PLCB4: variants seen among roughly 807,000 people sequenced by gnomAD.
PLCB4 encodes phospholipase C beta 4, also known as 1-phosphatidylinositol 4,5-bisphosphate phosphodiesterase beta-4.
A neutral mutation model predicts 178.8 loss-of-function variants in PLCB4; 77 were observed. The observed-to-expected ratio is 0.43, with a 90% confidence interval of 0.36 to 0.52. PLCB4 has a LOEUF of 0.52. Among genes scored for constraint, PLCB4 ranks in the 20% least tolerant of loss-of-function variants. PLCB4 has a pLI of 0.00. For synonymous variants in PLCB4, 496 were observed against 490.8 expected (o/e 1.01, Z -0.14); for missense variants, 1,024 against 1,453.4 (o/e 0.70, Z 4.80).
intron 3 of PLCB4, among the ~76,000 whole-genome samples, chr20:9,218,020 CTG>C (rs1451564896): frequency 6.6e-6 from 1 of 152,182 alleles, no homozygotes; most frequent in Non-Finnish European, 1.5e-5. Flanking sequence ...TATTTATAAA[CTG>C]TAACTTGCCA....
intron 4 of PLCB4, among the ~76,000 whole-genome samples, chr20:9,335,287 G>A (rs1054869034): frequency 3.3e-5 from 5 of 152,126 alleles, no homozygotes; most frequent in East Asian, 3.9e-4. Context: ...CAGGTGGCAC[G>A]GAAGACCCTT....
At chr20:9,179,794 C>T (rs1181360070) in intron 2 of PLCB4, among the ~76,000 whole-genome samples, 1 of 152,188 alleles carries the variant, frequency 6.6e-6, no homozygotes, top group Non-Finnish European at 1.5e-5. Context: ...CATTTCTCTA[C>T]ACCTCACTGT....
In PLCB4 at chr20:9,457,470, C is replaced by A; in HGVS notation, c.3053C>A (p.Thr1018Lys). ...KETEIKIQTL[T>K]SDHKSKVKEI... is the part of the protein sequence containing the mutation. ...ACAGAAATCAAAATTCAGACGCTGACATCAGATCACAAATCTAAGGTAAGA... is the reference window on the plus strand; with the variant it reads ...ACAGAAATCAAAATTCAGACGCTGAAATCAGATCACAAATCTAAGGTAAGA... The change falls in exon 34 of 40, where the codon ACA becomes AAA. Residue 1018 changes from threonine to lysine, a missense_variant. Transcript: ENST00000378473. 1 of 1,514,436 alleles carries A rather than the reference C, an allele frequency of 6.6e-7. No homozygotes were observed. Among genetic ancestry groups the A allele is most frequent in the Non-Finnish European group, 9.2e-7 (1 of 1,089,288 alleles). 93.8% of individuals were successfully genotyped at this position (1,514,436 alleles called of 1,614,324 possible). A position where few individuals can be genotyped will look rare whatever the true frequency, so the allele number is the denominator to read the frequency against.
At chr20:9,382,241 T>C (rs1231215964) in intron 13 of PLCB4, among the ~76,000 whole-genome samples, 1 of 152,214 alleles carries the variant, frequency 6.6e-6, no homozygotes, top group East Asian at 1.9e-4. Flanking sequence ...AATAAATCAC[T>C]TCTCACCATC....
chr20:9,365,180 A>T (rs183400602), intron 8 of PLCB4, among the ~76,000 whole-genome samples: 9 of 152,356 alleles, frequency 5.9e-5, no homozygotes, highest in Admixed American at 3.9e-4. Context: ...TAGATAAGAA[A>T]CAAAAATATT....
chr20:9,168,427 C>T (rs886727123), intron 2 of PLCB4, among the ~76,000 whole-genome samples: 3 of 152,112 alleles, frequency 2.0e-5, no homozygotes, highest in African/African-American at 4.8e-5. Flanking sequence ...TTGAGAAGAC[C>T]CAAGTAATTG....
chr20:9,471,208 AAATT>A (rs1293397785), intron 36 of PLCB4, among the ~76,000 whole-genome samples: 3 of 152,236 alleles, frequency 2.0e-5, no homozygotes, highest in African/African-American at 7.2e-5. Context: ...AAAGATGTGA[AAATT>A]AATGAGCTAA....
chr20:9,206,943 C>A (rs997411295), intron 2 of PLCB4, among the ~76,000 whole-genome samples: 1 of 151,996 alleles, frequency 6.6e-6, no homozygotes, highest in African/African-American at 2.4e-5. Context: ...ATGGTGAAAC[C>A]CCATCTCTAC....
At chr20:9,224,302 G>A (rs761854743) in intron 3 of PLCB4, among the ~76,000 whole-genome samples, 5 of 152,146 alleles carry the variant, frequency 3.3e-5, no homozygotes, top group African/African-American at 7.2e-5. Flanking sequence ...CTATACAGTG[G>A]CTCTCTCTTC....
chr20:9,399,382 G>T (rs1313337472), intron 19 of PLCB4, among the ~76,000 whole-genome samples: 2 of 152,178 alleles, frequency 1.3e-5, no homozygotes, highest in African/African-American at 4.8e-5. Flanking sequence ...CAACTAGTCG[G>T]CTATAATTAC....
intron 12 of PLCB4, among the ~76,000 whole-genome samples, chr20:9,375,522 A>G (rs191650931): frequency 6.6e-6 from 1 of 152,314 alleles, no homozygotes; most frequent in African/African-American, 2.4e-5. Context: ...CTGTTAACTG[A>G]AGTGTAAATG....
chr20:9,249,971 C>A (rs1195263132), intron 3 of PLCB4, among the ~76,000 whole-genome samples: 2 of 152,002 alleles, frequency 1.3e-5, no homozygotes, highest in Non-Finnish European at 2.9e-5. Flanking sequence ...GAGAGGTCAG[C>A]TATAGAAAGA....
intron 4 of PLCB4, among the ~76,000 whole-genome samples, chr20:9,310,554 T>TAA (rs143256734): frequency 6.7e-6 from 1 of 150,210 alleles, no homozygotes; most frequent in South Asian, 2.1e-4. Flanking sequence ...ACTAAAAATA[T>TAA]AAAAAAAAAT....
At chr20:9,304,062 C>A (rs946681416) in intron 3 of PLCB4, among the ~76,000 whole-genome samples, 19 of 151,666 alleles carry the variant, frequency 1.3e-4, no homozygotes, top group African/African-American at 4.4e-4. Context: ...AATATATATC[C>A]AATTCAGAAA....
chr20:9,196,465 A>T (rs6039410), intron 2 of PLCB4, among the ~76,000 whole-genome samples: 1 of 152,008 alleles, frequency 6.6e-6, no homozygotes, highest in Non-Finnish European at 1.5e-5. Flanking sequence ...TGCAAGCTCG[A>T]TAGTGACAGA....
chr20:9,456,338 A>G (rs1048477404), intron 33 of PLCB4, among the ~76,000 whole-genome samples: 3 of 152,166 alleles, frequency 2.0e-5, no homozygotes, highest in African/African-American at 7.2e-5. Context: ...GCTAATGACT[A>G]CCTCTCATAT....
At chr20:9,230,623 G>A (rs2093921600) in intron 3 of PLCB4, among the ~76,000 whole-genome samples, 1 of 152,082 alleles carries the variant, frequency 6.6e-6, no homozygotes, top group African/African-American at 2.4e-5. Flanking sequence ...ATTTGGGCTG[G>A]CCTTGATTGG....
At chr20:9,325,829 G>A (rs73609456) in intron 4 of PLCB4, among the ~76,000 whole-genome samples, 3,077 of 152,244 alleles carry the variant, frequency 0.02, 123 homozygotes, top group African/African-American at 0.07. Context: ...ATATTTCTGA[G>A]ACCTTGTATC....
intron 25 of PLCB4, among the ~76,000 whole-genome samples, chr20:9,417,217 A>T (rs575261392): frequency 8.6e-5 from 13 of 151,922 alleles, no homozygotes; most frequent in African/African-American, 2.9e-4. Flanking sequence ...TAATTTTTTA[A>T]TTTTTTTTAA....
Sources: allele counts gnomAD v4.1 joint callset (sites outside exome capture counted in the v4.1 genomes callset), GRCh38; gene constraint gnomAD v4.1.1; transcripts MANE v1.5; gene names NCBI Gene and HGNC (gene_info 2026-07-23, HGNC 2026-07-21).